The following TAX1BP1 variants were observed in gnomAD, a reference collection of about 807,000 sequenced individuals.
The protein encoded by TAX1BP1 is Tax1 binding protein 1.
In TAX1BP1, 62 loss-of-function variants were observed where a neutral mutation model predicts 97.7. That is an observed-to-expected ratio of 0.63 (90% confidence interval 0.52 to 0.78). The LOEUF (loss-of-function observed/expected upper bound fraction) is 0.78, where lower values mean the gene tolerates loss of function less well. Ranked by LOEUF, TAX1BP1 falls within the 30% of genes least tolerant of loss-of-function variation. The pLI is 0.00. For missense variants in TAX1BP1, 867 were observed against 916.1 expected, an observed-to-expected ratio of 0.95 and a Z score of 0.69; for synonymous variants, 340 against 304.2, an observed-to-expected ratio of 1.12 and a Z score of -1.23.
chr7:27,758,736 A>T (rs1205827237), intron 3 of TAX1BP1, among the ~76,000 whole-genome samples: 1 of 152,184 alleles, frequency 6.6e-6, no homozygotes, highest in Non-Finnish European at 1.5e-5. Flanking sequence ...ATTCCGCTAT[A>T]TGAGGTACTT....
In TAX1BP1 at chr7:27,748,675, G is replaced by A; in HGVS notation, c.151G>A (p.Gly51Ser). The A allele has an allele frequency of 6.5e-7, 1 of 1,535,538 alleles. No homozygotes were observed. The highest frequency in any genetic ancestry group is 1.3e-5 in the South Asian group (1 of 76,102). ...YIHPHPKDWV[G>S]IFKVGWSTAR... ...TCATCCACATCCAAAAGATTGGGTT[G>A]GTATATTCAAGGTAAGAAAGCTTTC... The change falls in exon 2 of 17, where the codon GGT (glycine) becomes AGT (serine). Residue 51 changes from glycine (G) to serine (S), a missense_variant. By Grantham distance (56) the Gly-to-Ser change is moderately conservative. This residue lies in a region of TAX1BP1 where 822 missense variants were observed against 851.4 expected (regional missense o/e 0.97). Coordinates refer to ENST00000396319, the MANE Select transcript of TAX1BP1 (RefSeq NM_006024.7).
intron 3 of TAX1BP1, among the ~76,000 whole-genome samples, chr7:27,761,948 A>T (rs1329643965): frequency 6.6e-6 from 1 of 152,214 alleles, no homozygotes; most frequent in Non-Finnish European, 1.5e-5. Flanking sequence ...ACCTGCAATG[A>T]ATGATGAGAG....
chr7:27,762,691 C>T (rs1322396818), intron 3 of TAX1BP1, among the ~76,000 whole-genome samples: 1 of 152,098 alleles, frequency 6.6e-6, no homozygotes, highest in Admixed American at 6.6e-5. Flanking sequence ...GCTCACACTT[C>T]TAATGTTAAC....
intron 12 of TAX1BP1, among the ~76,000 whole-genome samples, chr7:27,798,488 AC>A (rs1790017516): frequency 6.6e-6 from 1 of 151,816 alleles, no homozygotes; most frequent in East Asian, 1.9e-4. Flanking sequence ...ATATGGTGAA[AC>A]CCTTTCTCTA....
At chr7:27,764,089 G>A (rs912103514) in intron 3 of TAX1BP1, among the ~76,000 whole-genome samples, 1 of 152,084 alleles carries the variant, frequency 6.6e-6, no homozygotes, top group South Asian at 2.1e-4. Context: ...GCCCATCTTC[G>A]TGTCATGTGA....
Position 27,761,866 on chromosome 7 carries a change from TA to T in TAX1BP1, c.265+3735del, listed in dbSNP as rs573161329. Among the ~76,000 whole-genome samples, 207 of 152,338 alleles carry T rather than the reference TA, an allele frequency of 1.4e-3. 1 individual carries two copies. The highest frequency in any genetic ancestry group is 4.5e-3 in the African/African-American group (186 of 41,568). Reference sequence around the variant, plus strand: ...CAGGGAATGTAATTAATTAATTGTATAAGAGCATGTTCAGTTTTGTAGGAAA... The same window carrying T: ...CAGGGAATGTAATTAATTAATTGTATAGAGCATGTTCAGTTTTGTAGGAAA... On this transcript the variant is annotated intron_variant, in intron 3 of 16. Coordinates refer to ENST00000396319, the MANE Select transcript of TAX1BP1 (RefSeq NM_006024.7).
In TAX1BP1 at chr7:27,792,038, T is replaced by C. The variant is rs1014580718; in HGVS notation, c.1071T>C (p.Arg357=). ...EDTCFLKEQL[R]KAEEQVQATR... ...CTTGTTTTTTAAAGGAGCAACTTCG[T>C]AAAGCAGAGGAACAGGTTCAGGCAA... is the stretch of plus-strand genomic sequence containing the variant. Residue 357 remains arginine (R), a synonymous_variant, in exon 9 of 17, where the codon CGT becomes CGC. Transcript: ENST00000396319. 6.2e-7 allele frequency: 1 copy of C among 1,614,080 alleles called. No individual in the cohort carries two copies. Among genetic ancestry groups the C allele is most frequent in the Admixed American group, 1.7e-5 (1 of 60,026 alleles).
At chr7:27,774,886 C>A (rs766587907) in intron 5 of TAX1BP1, among the ~76,000 whole-genome samples, 17 of 152,102 alleles carry the variant, frequency 1.1e-4, no homozygotes, top group Non-Finnish European at 2.2e-4. Context: ...ATTACTAAAA[C>A]TCAGCAGTCA....
chr7:27,773,448 T>C (rs1353220105), intron 5 of TAX1BP1, among the ~76,000 whole-genome samples: 1 of 152,086 alleles, frequency 6.6e-6, no homozygotes, highest in African/African-American at 2.4e-5. Flanking sequence ...CTCTACCGTT[T>C]ACCTTCTGAT....
intron 16 of TAX1BP1, 58 bp downstream of exon 16, chr7:27,827,878 G>T: frequency 6.7e-7 from 1 of 1,502,426 alleles, no homozygotes; most frequent in Non-Finnish European, 9.2e-7. Flanking sequence ...GTTCTCAAAG[G>T]TGGTCCTTGG....
In TAX1BP1 at chr7:27,796,137, T is replaced by C; in HGVS notation, c.1556T>C (p.Val519Ala). Reference sequence around the variant, plus strand: ...ACAGCAGAGGCAGATTTTGACATAGTAACAAAGGGGCAAGTCTGTGAAATG... The same window carrying C: ...ACAGCAGAGGCAGATTTTGACATAGCAACAAAGGGGCAAGTCTGTGAAATG... The part of the protein sequence containing the change: ...PSAAEADFDI[V>A]TKGQVCEMTK... The change falls in exon 12 of 17, where the codon GTA becomes GCA. Residue 519 changes from valine (V) to alanine (A), a missense_variant. By Grantham distance (64) the Val-to-Ala change is moderately conservative. Coordinates refer to ENST00000396319, the MANE Select transcript of TAX1BP1 (RefSeq NM_006024.7). 1.2e-6 allele frequency: 2 copies of C among 1,606,740 alleles called. No homozygotes were observed. Among genetic ancestry groups the C allele is most frequent in the Middle Eastern group, 1.7e-4 (1 of 6,048 alleles).
At chr7:27,749,059 T>C (rs1787928222) in intron 2 of TAX1BP1, among the ~76,000 whole-genome samples, 2 of 152,356 alleles carry the variant, frequency 1.3e-5, no homozygotes, top group South Asian at 4.1e-4. Flanking sequence ...AGCCATGTTA[T>C]TATCCCTTCT....
chr7:27,753,713 C>T (rs530130995), intron 2 of TAX1BP1, among the ~76,000 whole-genome samples: 1 of 151,870 alleles, frequency 6.6e-6, no homozygotes, highest in African/African-American at 2.4e-5. Flanking sequence ...TCATTAGCAA[C>T]TCTGTTGCTA....
At chr7:27,816,606 T>C in intron 14 of TAX1BP1, 86 bp downstream of exon 14, 1 of 1,181,302 alleles carries the variant, frequency 8.5e-7, no homozygotes, top group Non-Finnish European at 1.2e-6. Flanking sequence ...AAACTGCTGG[T>C]ATAATCAACC....
intron 3 of TAX1BP1, among the ~76,000 whole-genome samples, chr7:27,763,622 G>A (rs1788510554): frequency 6.6e-6 from 1 of 152,130 alleles, no homozygotes; most frequent in Non-Finnish European, 1.5e-5. Flanking sequence ...AAAAGAATTC[G>A]CTGGGCGTGA....
At chr7:27,760,542 G>A (rs1411406944) in intron 3 of TAX1BP1, among the ~76,000 whole-genome samples, 2 of 151,834 alleles carry the variant, frequency 1.3e-5, no homozygotes, top group Non-Finnish European at 1.5e-5. Flanking sequence ...GGAGGCGCCC[G>A]CCACCATGCC....
At chr7:27,789,029 T>G (rs1422787611) in intron 8 of TAX1BP1, among the ~76,000 whole-genome samples, 1 of 152,032 alleles carries the variant, frequency 6.6e-6, no homozygotes, top group African/African-American at 2.4e-5. Flanking sequence ...AACTCTTGTT[T>G]CCCAAACATC....
chr7:27,785,604 G>C, intron 7 of TAX1BP1, 115 bp downstream of exon 7: 2 of 824,264 alleles, frequency 2.4e-6, no homozygotes, highest in Non-Finnish European at 3.9e-6. Context: ...TCTGGCTCTA[G>C]CCTCTTGTGT....
intron 16 of TAX1BP1, 38 bp from the exon 17 acceptor site, chr7:27,828,590 T>G: frequency 6.3e-7 from 1 of 1,594,008 alleles, no homozygotes; most frequent in Non-Finnish European, 8.6e-7. Flanking sequence ...GTTCTACATT[T>G]ATTAGAAACA....
Sources: gnomAD v4.1 joint callset for allele counts (sites outside exome capture counted in the v4.1 genomes callset) on GRCh38, gnomAD v4.1.1 for gene constraint, gnomAD v4.1.1 regional missense constraint, MANE v1.5 for transcripts, NCBI Gene and HGNC (gene_info 2026-07-23, HGNC 2026-07-21) for gene names.